The following LPO variants were observed in gnomAD, a reference collection of about 807,000 sequenced individuals.
The protein encoded by LPO is lactoperoxidase.
A neutral mutation model predicts 68.4 loss-of-function variants in LPO; 70 were observed. The ratio of observed to expected loss-of-function variants is 1.02; its 90% CI spans 0.84 to 1.25. The LOEUF is 1.25. LPO is among the 50% of genes most tolerant of loss of function. The pLI is 0.00. For synonymous variants in LPO, 360 were observed against 357.6 expected (o/e 1.01, Z -0.08); for missense variants, 873 against 908.4 (o/e 0.96, Z 0.50).
At position 58,268,107 on chromosome 17, in the gene LPO, G is replaced by A. The variant is rs151224305; in HGVS notation, c.*113G>A. On this transcript the variant is annotated 3_prime_UTR_variant, in exon 13 of 13. Transcript: ENST00000262290. ...CCAGTCCCAGCCCTTCTTTGCAGCT[G>A]GGCCTCTCTATACCCCTGGATGAAC... 1,646 of 1,144,094 alleles carry A rather than the reference G, an allele frequency of 1.4e-3. 2 individuals are homozygous for A. Among genetic ancestry groups the A allele is most frequent in the Non-Finnish European group, 1.9e-3 (1,548 of 801,680 alleles). 70.9% of individuals were successfully genotyped at this position (1,144,094 alleles called of 1,614,324 possible). A position where few individuals can be genotyped will look rare whatever the true frequency, so the allele number is the denominator to read the frequency against.
At chr17:58,264,616 G>T in intron 9 of LPO, 106 bp from the exon 10 acceptor site, 3 of 1,186,780 alleles carry the variant, frequency 2.5e-6, no homozygotes, top group East Asian at 4.7e-5. Context: ...TGCCATCCTT[G>T]GTTTTCAACA....
At chr17:58,244,791 A>G (rs1327430230) in intron 3 of LPO, among the ~76,000 whole-genome samples, 1 of 152,210 alleles carries the variant, frequency 6.6e-6, no homozygotes, top group African/African-American at 2.4e-5. Flanking sequence ...CAGGCGCCCA[A>G]CAAGGTTACT....
chr17:58,267,926 T>G lies in LPO; in HGVS notation c.2071T>G (p.Tyr691Asp). The G allele has an allele frequency of 6.2e-7, 1 of 1,614,172 alleles. No individual in the cohort carries two copies. Among genetic ancestry groups the G allele is most frequent in the African/African-American group, 1.3e-5 (1 of 75,034 alleles). Residue 691 changes from tyrosine (Y) to aspartate (D), a missense_variant, in exon 13 of 13, where the codon TAT (tyrosine) becomes GAT (aspartate). By Grantham distance (160) the Tyr-to-Asp change is radical (BLOSUM62 -3). Transcript: ENST00000262290. ...CCCATTCTGGGCCAACAGCTACCCC[T>G]ATGACTTCGTGGATTGCTCAGCCAT... is the stretch of plus-strand genomic sequence containing the variant. ...RDPFWANSYP[Y>D]DFVDCSAIDK...
chr17:58,247,410 C>T (rs1334416793), intron 3 of LPO, 68 bp from the exon 4 acceptor site: 2 of 1,463,100 alleles, frequency 1.4e-6, no homozygotes, highest in African/African-American at 2.8e-5. Context: ...CCCCTCCCAC[C>T]CCTCCAGCGG....
chr17:58,257,187 G>A (rs972533066), intron 9 of LPO, among the ~76,000 whole-genome samples: 1 of 151,592 alleles, frequency 6.6e-6, no homozygotes, highest in African/African-American at 2.4e-5. Flanking sequence ...ACCCACCTTG[G>A]CCTCCCAAAA....
chr17:58,254,870 G>C lies in LPO; in HGVS notation c.1165G>C (p.Glu389Gln), dbSNP rs1442109405. The C allele has an allele frequency of 6.2e-7, 1 of 1,614,084 alleles. No individual in the cohort carries two copies. Among genetic ancestry groups the C allele is most frequent in the South Asian group, 1.1e-5 (1 of 91,070 alleles). The change falls in exon 9 of 13, where the codon GAG (glutamate) becomes CAG (glutamine). Residue 389 changes from glutamate (E) to glutamine (Q), a missense_variant. By Grantham distance (29) the Glu-to-Gln change is conservative. Transcript: ENST00000262290. ...LATSHTLFLREHNRLARELKR... is the reference protein window; with the variant it reads ...LATSHTLFLRQHNRLARELKR... ...CACATCCCACACCCTCTTTCTCCGC[G>C]AGCATAACCGGCTGGCCAGAGAACT...
chr17:58,243,949 G>A, intron 2 of LPO, 45 bp from the exon 3 acceptor site: 1 of 1,253,722 alleles, frequency 8.0e-7, no homozygotes, highest in South Asian at 1.2e-5. Flanking sequence ...TCGCAAAGGA[G>A]TGGTGTCTGA....
At chr17:58,262,421 G>T (rs1970191600) in intron 9 of LPO, among the ~76,000 whole-genome samples, 2 of 152,130 alleles carry the variant, frequency 1.3e-5, no homozygotes, top group Admixed American at 6.5e-5. Context: ...ACAGAGTCTT[G>T]CTCTGTTGCC....
At chr17:58,243,709 C>T (rs1051285370) in intron 2 of LPO, 2 of 495,466 alleles carry the variant, frequency 4.0e-6, no homozygotes, top group Admixed American at 3.3e-5. Context: ...TCCAGTAGCC[C>T]AAGCCACCCT....
intron 4 of LPO, among the ~76,000 whole-genome samples, chr17:58,248,189 G>C (rs1172105836): frequency 3.3e-5 from 5 of 152,108 alleles, no homozygotes; most frequent in African/African-American, 9.7e-5. Flanking sequence ...GCCCACAGAG[G>C]GTCATGAGGA....
intron 10 of LPO, 45 bp downstream of exon 10, chr17:58,265,019 G>A (rs185601370): frequency 1.7e-5 from 28 of 1,605,700 alleles, no homozygotes; most frequent in African/African-American, 1.1e-4. Flanking sequence ...CTCCCACTCC[G>A]CAGCCTATTG....
intron 6 of LPO, 22 bp downstream of exon 6, chr17:58,249,717 G>A: frequency 6.5e-7 from 1 of 1,545,628 alleles, no homozygotes; most frequent in Non-Finnish European, 8.7e-7. Context: ...CCGGGCCGGG[G>A]TGAAGGATGG....
intron 9 of LPO, among the ~76,000 whole-genome samples, chr17:58,257,538 A>G (rs1970095375): frequency 6.6e-6 from 1 of 152,154 alleles, no homozygotes; most frequent in African/African-American, 2.4e-5. Context: ...TTATCCATTC[A>G]TCTGTTGATG....
intron 1 of LPO, among the ~76,000 whole-genome samples, chr17:58,239,698 C>T (rs1020117390): frequency 5.3e-5 from 8 of 152,090 alleles, no homozygotes; most frequent in African/African-American, 1.4e-4. Flanking sequence ...GAACCAAAGT[C>T]TGGAAGGCCT....
At chr17:58,265,059 C>T in intron 10 of LPO, 85 bp downstream of exon 10, 1 of 1,555,926 alleles carries the variant, frequency 6.4e-7, no homozygotes, top group Admixed American at 1.7e-5. Flanking sequence ...AGTCAGATTC[C>T]AAGCACTTTT....
chr17:58,255,775 T>C (rs1290880993), intron 9 of LPO, among the ~76,000 whole-genome samples: 1 of 152,232 alleles, frequency 6.6e-6, no homozygotes, highest in Non-Finnish European at 1.5e-5. Context: ...TAAGTGCTAA[T>C]GTCTTACATA....
chr17:58,254,152 T>TATAGATAGATAGATAGATAGATAG (rs34548791), intron 8 of LPO, among the ~76,000 whole-genome samples: 81 of 133,392 alleles, frequency 6.1e-4, no homozygotes, highest in East Asian at 6.4e-4. Flanking sequence ...TATATAGATA[T>TATAGATAGATAGATAGATAGATAG]ATAGATAGAT....
intron 10 of LPO, 31 bp from the exon 11 acceptor site, chr17:58,266,122 C>A (rs1970257646): frequency 6.2e-7 from 1 of 1,604,600 alleles, no homozygotes. Flanking sequence ...TTCCCCCAAC[C>A]TAAGCATGGC....
rs763570244 is a variant in LPO, at chr17:58,250,436, A to G, written c.595A>G (p.Ile199Val). ...GTAGGCCCGGGAGGTATCTAACAAG[A>G]TTGTTGGCTATCTGAATGAGGAGGG... The part of the protein sequence containing the change: ...LPLAREVSNK[I>V]VGYLNEEGVL... Residue 199 changes from isoleucine (I) to valine (V), a missense_variant, in exon 7 of 13, where the codon ATT (isoleucine) becomes GTT (valine). By Grantham distance (29) the Ile-to-Val change is conservative. Transcript: ENST00000262290. The G allele has an allele frequency of 1.1e-5, 18 of 1,613,872 alleles. No homozygotes were observed. The South Asian group carries it at 2.0e-4, about 18-fold the overall frequency.
Sources: gnomAD v4.1 joint callset for allele counts (sites outside exome capture counted in the v4.1 genomes callset) on GRCh38, gnomAD v4.1.1 for gene constraint, MANE v1.5 for transcripts, NCBI Gene and HGNC (gene_info 2026-07-23, HGNC 2026-07-21) for gene names.